Variants in LRTM1 observed in about 807,000 individuals in gnomAD.
LRTM1 encodes the protein leucine rich repeat transmembrane protein 1.
A neutral mutation model predicts 32.4 loss-of-function variants in LRTM1; 38 were observed. The observed-to-expected ratio is 1.17, with a 90% CI of 0.91 to 1.54. LRTM1 has a LOEUF of 1.54. Among genes scored for constraint, LRTM1 ranks in the 40% most tolerant of loss-of-function variants. The pLI, the probability that LRTM1 is intolerant of heterozygous loss-of-function variation, is 0.00. For synonymous variants in LRTM1, 186 were observed against 169.9 expected (o/e 1.09, Z -0.74); for missense variants, 466 against 415.4 (o/e 1.12, Z -1.06).
At chr3:54,936,660 A>G (rs1180641546) in intron 1 of LRTM1, among the ~76,000 whole-genome samples, 2 of 152,118 alleles carry the variant, frequency 1.3e-5, no homozygotes, top group Non-Finnish European at 2.9e-5. Flanking sequence ...GTGATTTTTT[A>G]AGGCTTCCCT....
At chr3:54,925,237 T>G (rs1700981629) in intron 1 of LRTM1, 22 bp from the exon 2 acceptor site, 4 of 1,590,624 alleles carry the variant, frequency 2.5e-6, no homozygotes, top group Middle Eastern at 1.7e-4. Context: ...AGAAAGAAAT[T>G]GGGATAGGAA....
intron 1 of LRTM1, among the ~76,000 whole-genome samples, chr3:54,935,314 G>T (rs965280159): frequency 1.3e-5 from 2 of 152,146 alleles, no homozygotes; most frequent in Non-Finnish European, 2.9e-5. Context: ...TCTTCCCAAT[G>T]TCAGCCTTCC....
intron 2 of LRTM1, among the ~76,000 whole-genome samples, chr3:54,923,638 G>A (rs1380215662): frequency 6.6e-6 from 1 of 152,172 alleles, no homozygotes; most frequent in Non-Finnish European, 1.5e-5. Flanking sequence ...TCAGTGCCTG[G>A]CATACAAAAG....
intron 1 of LRTM1, among the ~76,000 whole-genome samples, chr3:54,941,240 A>G (rs1392591126): frequency 2.6e-5 from 4 of 152,214 alleles, no homozygotes; most frequent in Admixed American, 6.5e-5. Context: ...GTAAAAAAAC[A>G]GGGGCATATA....
At chr3:54,935,272 G>A (rs373760671) in intron 1 of LRTM1, among the ~76,000 whole-genome samples, 1 of 152,248 alleles carries the variant, frequency 6.6e-6, no homozygotes, top group East Asian at 1.9e-4. Context: ...TACTGTCAGG[G>A]TTAGAGGAAA....
chr3:54,936,279 G>A (rs74863045), intron 1 of LRTM1, among the ~76,000 whole-genome samples: 205 of 152,184 alleles, frequency 1.3e-3, no homozygotes, highest in African/African-American at 4.8e-3. Flanking sequence ...TAATCTGCTT[G>A]GTACAAAAAC....
At chr3:54,923,060 C>T (rs1266589656) in intron 2 of LRTM1, among the ~76,000 whole-genome samples, 1 of 152,124 alleles carries the variant, frequency 6.6e-6, no homozygotes, top group Non-Finnish European at 1.5e-5. Flanking sequence ...TCATCTTCTC[C>T]CTCATCTCCC....
intron 1 of LRTM1, among the ~76,000 whole-genome samples, chr3:54,946,368 G>A (rs1256881751): frequency 6.6e-6 from 1 of 152,190 alleles, no homozygotes; most frequent in African/African-American, 2.4e-5. Flanking sequence ...TATGCCTTCA[G>A]AGATTTTAGC....
In LRTM1 at chr3:54,938,698, G is replaced by A. The variant is rs572754485; in HGVS notation, c.-221-13483C>T. Among the ~76,000 whole-genome samples, 5 of 150,920 alleles carry A rather than the reference G, an allele frequency of 3.3e-5. No individual in the cohort carries two copies. In the East Asian group the frequency reaches 9.8e-4, roughly 30 times the overall value. On this transcript the variant is annotated intron_variant, in intron 1 of 2. Coordinates refer to the LRTM1 transcript ENST00000493075. ...CTGTGACCATGGTAATTTTTCTACA[G>A]TGATAAAAATAAATTTTTATTTTTA...
Position 54,945,049 on chromosome 3 carries a change from A to AG in LRTM1, c.-221-19835dup, listed in dbSNP as rs1701578520. Among the ~76,000 whole-genome samples the AG allele has an allele frequency of 2.0e-5, 3 of 152,298 alleles. No individual in the cohort carries two copies. The East Asian group carries it at 5.8e-4, about 29-fold the overall frequency. ...CAAACTGGAGAATGGGGAAGATGAC[A>AG]GTAATTCTAGGCCTTGTTTGGGGGC... On this transcript the variant is annotated intron_variant, in intron 1 of 2. Transcript: ENST00000493075.
At chr3:54,928,842 C>T (rs1701105572), upstream of LRTM1, among the ~76,000 whole-genome samples, 1 of 152,038 alleles carries the variant, frequency 6.6e-6, no homozygotes, top group Admixed American at 6.6e-5. Flanking sequence ...ACAATAAAGC[C>T]GCCCCCTGTG....
Position 54,925,179 on chromosome 3 carries a change from A to T in LRTM1, c.44T>A (p.Leu15His). The T allele has an allele frequency of 6.2e-7, 1 of 1,613,974 alleles. No individual in the cohort carries two copies. The highest frequency in any genetic ancestry group is 8.5e-7 in the Non-Finnish European group (1 of 1,179,924). Residue 15 changes from leucine (L) to histidine (H), a missense_variant, in exon 2 of 3, where the codon CTC becomes CAC. Leu to His is a moderately conservative substitution (Grantham distance 99, BLOSUM62 -3). Coordinates refer to ENST00000273286, the MANE Select transcript of LRTM1 (RefSeq NM_020678.4). ...GTCCGGGCAGCTGCATACCACCTGG[A>T]GCAGGACAATCACACTGGAAAACAG... ...LLLFSSVIVL[L>H]QVVCSCPDKC...
chr3:54,919,903 A>T (rs568420581), intron 2 of LRTM1, among the ~76,000 whole-genome samples: 1 of 152,060 alleles, frequency 6.6e-6, no homozygotes, highest in Non-Finnish European at 1.5e-5. Flanking sequence ...TTTCCACTAC[A>T]CTCGCTGCCT....
intron 2 of LRTM1, among the ~76,000 whole-genome samples, chr3:54,923,607 T>C (rs1267241066): frequency 1.3e-5 from 2 of 152,228 alleles, no homozygotes; most frequent in Non-Finnish European, 2.9e-5. Context: ...ATCTCTGTGA[T>C]GGTTAGGCAC....
chr3:54,918,982 A>T, intron 2 of LRTM1, 90 bp from the exon 3 acceptor site: 1 of 1,040,980 alleles, frequency 9.6e-7, no homozygotes, highest in Non-Finnish European at 1.3e-6. Context: ...GGCAGATGGA[A>T]TTTATGAAGT....
chr3:54,953,370 A>C (rs1167429409), intron 1 of LRTM1, among the ~76,000 whole-genome samples: 1 of 152,166 alleles, frequency 6.6e-6, no homozygotes, highest in Non-Finnish European at 1.5e-5. Context: ...GAAACTGCTA[A>C]AGTGGTGGGG....
intron 1 of LRTM1, 77 bp from the exon 2 acceptor site, chr3:54,925,292 T>A: frequency 8.2e-7 from 1 of 1,220,028 alleles, no homozygotes; most frequent in Non-Finnish European, 1.2e-6. Context: ...CCTTTGAATT[T>A]ACAGGTAATG....
chr3:54,932,115 G>A (rs1701205183), upstream of LRTM1, among the ~76,000 whole-genome samples: 2 of 152,120 alleles, frequency 1.3e-5, no homozygotes, highest in African/African-American at 4.8e-5. Flanking sequence ...CCAAGAGTGG[G>A]CTGCAGTGAG....
chr3:54,949,619 C>A (rs926280358), intron 1 of LRTM1, among the ~76,000 whole-genome samples: 9 of 152,210 alleles, frequency 5.9e-5, no homozygotes, highest in Non-Finnish European at 8.8e-5. Flanking sequence ...TCAACATTCT[C>A]AAGCGCATTG....
Sources: allele counts gnomAD v4.1 joint callset (sites outside exome capture counted in the v4.1 genomes callset), GRCh38; gene constraint gnomAD v4.1.1; transcripts MANE v1.5; gene names NCBI Gene and HGNC (gene_info 2026-07-23, HGNC 2026-07-21).